GOLGA5: variants seen among roughly 807,000 people sequenced by gnomAD.
GOLGA5 encodes the protein golgin A5, also known as golgin subfamily A member 5.
In GOLGA5, 50 loss-of-function variants were observed where a neutral mutation model predicts 93.5. That is an observed-to-expected ratio of 0.53 (90% CI 0.43 to 0.68). GOLGA5 has a LOEUF of 0.68. Among genes scored for constraint, GOLGA5 ranks in the 30% least tolerant of loss-of-function variants. The pLI is 0.00. For missense variants in GOLGA5, 760 were observed against 856.4 expected, an observed-to-expected ratio of 0.89 and a Z score of 1.40; for synonymous variants, 312 against 304.5, an observed-to-expected ratio of 1.02 and a Z score of -0.26.
chr14:92,801,966 C>T (rs1884882812), intron 2 of GOLGA5, among the ~76,000 whole-genome samples: 1 of 152,192 alleles, frequency 6.6e-6, no homozygotes, highest in African/African-American at 2.4e-5. Flanking sequence ...AGGGTAGCTT[C>T]TTCCACCTTG....
intron 7 of GOLGA5, among the ~76,000 whole-genome samples, chr14:92,816,673 C>T (rs966792460): frequency 7.9e-5 from 12 of 152,044 alleles, no homozygotes; most frequent in African/African-American, 1.4e-4. Context: ...GCAGTCTTCC[C>T]GCCTCAGGCT....
intron 8 of GOLGA5, among the ~76,000 whole-genome samples, chr14:92,823,606 G>A (rs1885358825): frequency 6.6e-6 from 1 of 151,506 alleles, no homozygotes; most frequent in African/African-American, 2.4e-5. Flanking sequence ...GTAGAGATGA[G>A]GTCTCACTCT....
rs746719989 is a variant in GOLGA5 at position 92,824,618 on chromosome 14, G to A, written c.1693G>A (p.Glu565Lys). The A allele has an allele frequency of 3.4e-5, 55 of 1,596,142 alleles. No homozygotes were observed. The highest frequency in any genetic ancestry group is 3.4e-4 in the East Asian group (15 of 44,344). ...TLQSRIKDRDEEIQKLRNQLT... is the reference protein window; with the variant it reads ...TLQSRIKDRDKEIQKLRNQLT... The stretch of plus-strand genomic sequence containing the variant: ...GCAAAGCAGAATTAAAGATCGAGAC[G>A]AAGAAATTCAAAAACTCAGGAATCA... The change falls in exon 9 of 13, where the codon GAA (glutamate) becomes AAA (lysine). Residue 565 changes from glutamate (E) to lysine (K), a missense_variant. Coordinates refer to ENST00000163416, the MANE Select transcript of GOLGA5 (RefSeq NM_005113.4).
chr14:92,833,370 A>G, intron 10 of GOLGA5, 23 bp downstream of exon 10: 1 of 1,420,270 alleles, frequency 7.0e-7, no homozygotes, highest in Non-Finnish European at 1.0e-6. Context: ...GGAATCTCAA[A>G]AGAACATTTC....
chr14:92,828,529 A>G (rs1885465163), intron 9 of GOLGA5, among the ~76,000 whole-genome samples: 1 of 152,220 alleles, frequency 6.6e-6, no homozygotes, highest in East Asian at 1.9e-4. Flanking sequence ...GAGCTGTACA[A>G]GGAGATTAAT....
At chr14:92,819,005 G>A (rs904471007) in intron 7 of GOLGA5, among the ~76,000 whole-genome samples, 1 of 152,208 alleles carries the variant, frequency 6.6e-6, no homozygotes, top group Non-Finnish European at 1.5e-5. Context: ...TGCAAGACAA[G>A]TTATATTCTT....
intron 2 of GOLGA5, among the ~76,000 whole-genome samples, chr14:92,800,318 G>GTATTT (rs1466610904): frequency 1.3e-5 from 2 of 152,234 alleles, no homozygotes; most frequent in Admixed American, 1.3e-4. Flanking sequence ...CAGAGGGTCT[G>GTATTT]TATTTTTAGC....
chr14:92,809,546 A>C (rs1238588203), intron 4 of GOLGA5, 27 bp downstream of exon 4: 1 of 1,415,892 alleles, frequency 7.1e-7, no homozygotes, highest in Non-Finnish European at 1.0e-6. Context: ...ATAATGAAAA[A>C]AATGAGCAAG....
intron 3 of GOLGA5, among the ~76,000 whole-genome samples, chr14:92,807,397 C>T (rs1885012082): frequency 6.6e-6 from 1 of 152,172 alleles, no homozygotes; most frequent in Admixed American, 6.5e-5. Flanking sequence ...TTAGATGCGA[C>T]TTGTAAAATG....
Position 92,837,443 on chromosome 14 carries a change from A to G in GOLGA5, c.2109A>G (p.Ile703Met), listed in dbSNP as rs780631977. 6 of 1,361,012 alleles carry G rather than the reference A, an allele frequency of 4.4e-6. No homozygotes were observed. In the Admixed American group the frequency reaches 5.2e-5, roughly 12 times the overall value. The allele number at this position is 1,361,012 out of a possible 1,614,324, so 84.3% of individuals were successfully genotyped here. A position where few individuals can be genotyped will look rare whatever the true frequency, so the allele number is the denominator to read the frequency against. Residue 703 changes from isoleucine to methionine, a missense_variant, in exon 12 of 13, where the codon ATA becomes ATG. Coordinates refer to ENST00000163416, the MANE Select transcript of GOLGA5 (RefSeq NM_005113.4). The stretch of plus-strand genomic sequence containing the variant: ...CCATAGCGCGAGTTTTTGTAATTAT[A>G]TATATGGTAAGTAAATTTATTTGAA... ...RYPIARVFVI[I>M]YMALLHLWVM... is the part of the protein sequence containing the mutation.
intron 5 of GOLGA5, 52 bp from the exon 6 acceptor site, chr14:92,811,499 A>G (rs1885100755): frequency 3.3e-6 from 4 of 1,194,834 alleles, no homozygotes; most frequent in African/African-American, 3.0e-5. Context: ...GTTGTAAAAT[A>G]TGTTTCAAAG....
At chr14:92,799,624 T>G (rs188813309) in intron 2 of GOLGA5, among the ~76,000 whole-genome samples, 1 of 150,690 alleles carries the variant, frequency 6.6e-6, no homozygotes, top group African/African-American at 2.4e-5. Flanking sequence ...TATTTTTTTG[T>G]GAGACGGAGT....
Position 92,806,953 on chromosome 14 carries a change from G to T in GOLGA5, c.762G>T (p.Glu254Asp). Residue 254 changes from glutamate (E) to aspartate (D), a missense_variant, in exon 3 of 13, where the codon GAG (glutamate) becomes GAT (aspartate). Physicochemically the swap from Glu to Asp is conservative, Grantham distance 45 (BLOSUM62 2). Transcript: ENST00000163416. ...EMASLLQRSK[E>D]TQEELNKARA... ...CCTCGTTACTCCAAAGATCCAAAGAGACTCAAGAAGGTAGAGGCTTAAATT... is the reference window on the plus strand; with the variant it reads ...CCTCGTTACTCCAAAGATCCAAAGATACTCAAGAAGGTAGAGGCTTAAATT... The T allele has an allele frequency of 5.0e-6, 8 of 1,585,738 alleles. No homozygotes were observed. Among genetic ancestry groups the T allele is most frequent in the South Asian group, 1.1e-5 (1 of 90,554 alleles).
Position 92,816,360 on chromosome 14 carries a change from T to A in GOLGA5, c.1430T>A (p.Met477Lys). ...ELEELRHEKE[M>K]QREEIQKLMG... ...GAAGAACTTCGGCATGAGAAAGAGA[T>A]GCAGAGGGAGGAAATACAGAAGCTG... Residue 477 changes from methionine (M) to lysine (K), a missense_variant, in exon 7 of 13, where the codon ATG becomes AAG. Coordinates refer to ENST00000163416, the MANE Select transcript of GOLGA5 (RefSeq NM_005113.4). The A allele has an allele frequency of 6.2e-7, 1 of 1,614,022 alleles. No individual in the cohort carries two copies. The highest frequency in any genetic ancestry group is 8.5e-7 in the Non-Finnish European group (1 of 1,179,922).
intron 12 of GOLGA5, 77 bp downstream of exon 12, chr14:92,837,526 T>G: frequency 2.7e-6 from 2 of 745,366 alleles, no homozygotes; most frequent in East Asian, 2.5e-5. Context: ...TTGTTTGTTT[T>G]GGCTACAGAT....
rs1255883453 is a variant in GOLGA5, at chr14:92,806,731, T to C, written c.545-5T>C. 1 of 1,600,338 alleles carries C rather than the reference T, an allele frequency of 6.2e-7. No individual in the cohort carries two copies. Among genetic ancestry groups the C allele is most frequent in the Non-Finnish European group, 8.6e-7 (1 of 1,167,596 alleles). The stretch of plus-strand genomic sequence containing the variant: ...TGTAACAAAAACGTATTCTTTTTTT[T>C]ACAGAAGCTGCCAGTAACTCAGATT... On this transcript the variant is annotated splice_polypyrimidine_tract_variant and splice_region_variant and intron_variant, in intron 2 of 12. Transcript: ENST00000163416.
intron 12 of GOLGA5, among the ~76,000 whole-genome samples, chr14:92,837,714 C>A (rs1344123650): frequency 6.6e-6 from 1 of 152,088 alleles, no homozygotes; most frequent in African/African-American, 2.4e-5. Context: ...CAGGCGTGCA[C>A]CACCATGCCC....
Position 92,826,206 on chromosome 14 carries a change from A to C in GOLGA5, c.1719+1562A>C, listed in dbSNP as rs150857081. 3.2e-3 allele frequency among the ~76,000 whole-genome samples: 492 copies of C among 152,230 alleles called. 1 individual carries two copies. Among genetic ancestry groups the C allele is most frequent in the African/African-American group, 0.011 (461 of 41,530 alleles). The stretch of plus-strand genomic sequence containing the variant: ...GATTTCTCTGAAAGGTTTTTCATCA[A>C]ATTAGAAGAGAGCAAAACCTTTGTC... On this transcript the variant is annotated intron_variant, in intron 9 of 12. Transcript: ENST00000163416.
intron 8 of GOLGA5, 143 bp downstream of exon 8, chr14:92,819,979 C>G: frequency 2.8e-6 from 2 of 723,690 alleles, no homozygotes; most frequent in Non-Finnish European, 4.5e-6. Context: ...CCCATCTCAT[C>G]TGAAGGGGTG....
Sources: gnomAD v4.1 joint callset for allele counts (sites outside exome capture counted in the v4.1 genomes callset) on GRCh38, gnomAD v4.1.1 for gene constraint, MANE v1.5 for transcripts, NCBI Gene and HGNC (gene_info 2026-07-23, HGNC 2026-07-21) for gene names.